Variants in CYTH1 observed in about 807,000 individuals in gnomAD.
The protein encoded by CYTH1 is cytohesin 1.
CYTH1 carries 18 observed loss-of-function variants against 61.8 expected under a neutral mutation model. The ratio of observed to expected loss-of-function variants is 0.29; its 90% CI spans 0.20 to 0.43. CYTH1 has a LOEUF of 0.43. CYTH1 is among the 20% of genes least tolerant of loss of function. The pLI is 1.00. For synonymous variants in CYTH1, 174 were observed against 184.3 expected (o/e 0.94, Z 0.45); for missense variants, 336 against 510.5 (o/e 0.66, Z 3.29).
At chr17:78,681,850 A>C (rs997088555) in intron 11 of CYTH1, among the ~76,000 whole-genome samples, 1 of 151,960 alleles carries the variant, frequency 6.6e-6, no homozygotes, top group Non-Finnish European at 1.5e-5. Flanking sequence ...AAAAAAAAAA[A>C]AAAAACCAAC....
At chr17:78,757,404 T>C (rs1179052880) in intron 1 of CYTH1, among the ~76,000 whole-genome samples, 1 of 152,182 alleles carries the variant, frequency 6.6e-6, no homozygotes, top group Non-Finnish European at 1.5e-5. Context: ...GTAAGGTACC[T>C]GAGAACTCTA....
At chr17:78,701,059 T>TAAAC (rs746902500) in intron 6 of CYTH1, among the ~76,000 whole-genome samples, 85 of 152,240 alleles carry the variant, frequency 5.6e-4, no homozygotes, top group Non-Finnish European at 1.0e-3. Flanking sequence ...ATGCTCATTT[T>TAAAC]AAACAAACGC....
At chr17:78,678,038 G>A (rs1211335924) in intron 13 of CYTH1, 1 of 152,310 alleles carries the variant, frequency 6.6e-6, no homozygotes, top group Non-Finnish European at 1.5e-5. Flanking sequence ...AAGAAGGTTT[G>A]AGGACAGTGT....
At chr17:78,696,064 G>A in intron 9 of CYTH1, 55 bp from the exon 10 acceptor site, 1 of 1,366,838 alleles carries the variant, frequency 7.3e-7, no homozygotes. Context: ...ATACAAATGA[G>A]GGAGAAAAGA....
chr17:78,754,964 C>T (rs1301807149), intron 1 of CYTH1, among the ~76,000 whole-genome samples: 1 of 151,932 alleles, frequency 6.6e-6, no homozygotes, highest in African/African-American at 2.4e-5. Flanking sequence ...GTAGGTATAA[C>T]ACAAGAGAAG....
chr17:78,752,581 C>T (rs189484417), intron 1 of CYTH1, among the ~76,000 whole-genome samples: 120 of 152,148 alleles, frequency 7.9e-4, no homozygotes, highest in Admixed American at 2.3e-3. Context: ...TACAGGTGCG[C>T]GCCACCACGC....
intron 1 of CYTH1, among the ~76,000 whole-genome samples, chr17:78,761,676 T>C (rs970761782): frequency 6.6e-6 from 1 of 151,954 alleles, no homozygotes; most frequent in Non-Finnish European, 1.5e-5. Flanking sequence ...AGGCGGAGCT[T>C]GCAGTGAGAC....
chr17:78,702,116 C>G lies in CYTH1; in HGVS notation c.356+6G>C. ...CCTAGCATGCGCATAATCCCCAAGG[C>G]CTTACCTCTCCCCTAGGTAGTCGCC... On this transcript the variant is annotated splice_donor_region_variant and intron_variant, in intron 5 of 13. Coordinates refer to ENST00000446868, the MANE Select transcript of CYTH1 (RefSeq NM_004762.6). The G allele has an allele frequency of 1.2e-6, 2 of 1,606,286 alleles. No individual in the cohort carries two copies. Among genetic ancestry groups the G allele is most frequent in the Non-Finnish European group, 1.7e-6 (2 of 1,172,968 alleles).
chr17:78,760,432 CATATATATATGT>C lies in CYTH1; in HGVS notation c.22+21758_22+21769del, dbSNP rs1386796999. Among the ~76,000 whole-genome samples, 2 of 41,148 alleles carry C rather than the reference CATATATATATGT, an allele frequency of 4.9e-5. 1 individual carries two copies. The highest frequency in any genetic ancestry group is 1.6e-3 in the East Asian group (2 of 1,262). The allele number at this position is 41,148 out of a possible 152,430, so 27.0% of individuals were successfully genotyped here. On this transcript the variant is annotated intron_variant, in intron 1 of 13. Coordinates refer to ENST00000446868, the MANE Select transcript of CYTH1 (RefSeq NM_004762.6). ...GTGTATATATATATATATACACATACATATATATATGTATATATATATACATACATATATATA... is the reference window on the plus strand; with the variant it reads ...GTGTATATATATATATATACACATACATATATATATACATACATATATATA...
chr17:78,712,123 A>G, intron 1 of CYTH1, among the ~76,000 whole-genome samples: 1 of 109,900 alleles, frequency 9.1e-6, no homozygotes, highest in African/African-American at 3.6e-5. Flanking sequence ...GGAGGAAGGA[A>G]GGGAGGGAGG....
intron 9 of CYTH1, among the ~76,000 whole-genome samples, chr17:78,697,476 G>A (rs1030036834): frequency 2.6e-5 from 4 of 152,034 alleles, no homozygotes; most frequent in Admixed American, 2.6e-4. Context: ...CACCTTCACG[G>A]CAAGGCATGA....
chr17:78,698,415 C>G, intron 8 of CYTH1, 35 bp from the exon 9 acceptor site: 1 of 1,532,204 alleles, frequency 6.5e-7, no homozygotes, highest in Non-Finnish European at 9.0e-7. Context: ...GTCTCTGATT[C>G]TAGAAATATT....
At chr17:78,740,877 C>T (rs542426966) in intron 1 of CYTH1, among the ~76,000 whole-genome samples, 2 of 152,240 alleles carry the variant, frequency 1.3e-5, no homozygotes, top group Admixed American at 6.5e-5. Flanking sequence ...TAGATTACTA[C>T]GTATTTATTT....
chr17:78,692,396 G>C, intron 11 of CYTH1, 21 bp downstream of exon 11: 1 of 1,612,618 alleles, frequency 6.2e-7, no homozygotes, highest in Non-Finnish European at 8.5e-7. Flanking sequence ...CTAGTCTGGA[G>C]GCCGACTAGC....
chr17:78,710,704 G>T (rs569956892), intron 1 of CYTH1, among the ~76,000 whole-genome samples: 1 of 152,326 alleles, frequency 6.6e-6, no homozygotes, highest in South Asian at 2.1e-4. Flanking sequence ...TAAGGCTGCT[G>T]TGAAGATGAT....
intron 1 of CYTH1, among the ~76,000 whole-genome samples, chr17:78,778,658 A>AAAAG (rs1567889979): frequency 5.3e-5 from 8 of 151,250 alleles, no homozygotes; most frequent in East Asian, 2.0e-4. Context: ...AAAAAAAAAA[A>AAAAG]AAAGAAAGAA....
chr17:78,740,679 T>A (rs577607126), intron 1 of CYTH1, among the ~76,000 whole-genome samples: 1 of 152,364 alleles, frequency 6.6e-6, no homozygotes, highest in African/African-American at 2.4e-5. Context: ...CCAAATTGTA[T>A]GTTTCACTCA....
chr17:78,692,342 C>G, intron 11 of CYTH1, 75 bp downstream of exon 11: 1 of 1,467,622 alleles, frequency 6.8e-7, no homozygotes. Flanking sequence ...TCTCCTCAAC[C>G]ATGTCTGATT....
At chr17:78,726,515 G>A (rs1040668764) in intron 1 of CYTH1, among the ~76,000 whole-genome samples, 4 of 152,146 alleles carry the variant, frequency 2.6e-5, no homozygotes, top group South Asian at 2.1e-4. Context: ...CAGGCAGCCC[G>A]TAAATGCCAA....
Sources: allele counts gnomAD v4.1 joint callset (sites outside exome capture counted in the v4.1 genomes callset), GRCh38; gene constraint gnomAD v4.1.1; transcripts MANE v1.5; gene names NCBI Gene and HGNC (gene_info 2026-07-23, HGNC 2026-07-21).